RASEF: variants seen among roughly 807,000 people sequenced by gnomAD.
The protein encoded by RASEF is ras and EF-hand domain-containing protein.
A neutral mutation model predicts 90.1 loss-of-function variants in RASEF; 68 were observed. That is an observed-to-expected ratio of 0.75 (90% CI 0.62 to 0.92). RASEF has a LOEUF of 0.92. Among genes scored for constraint, RASEF ranks in the 40% least tolerant of loss-of-function variants. The probability of loss-of-function intolerance (pLI) is 0.00; values close to 1 mark genes in which losing one functional copy is unlikely to be tolerated. For synonymous variants in RASEF, 331 were observed against 345.2 expected (o/e 0.96, Z 0.46); for missense variants, 949 against 937.2 (o/e 1.01, Z -0.16).
In RASEF at chr9:83,022,336, G is replaced by A. The variant is rs775461169; in HGVS notation, c.669C>T (p.Asp223=). Residue 223 remains aspartate, a splice_region_variant and synonymous_variant, in exon 3 of 17, where the codon GAC becomes GAT. Transcript: ENST00000376447. ...ATGAATGGCCAACCCAGAAACTCAC[G>A]TCTTTCCGTGTCTTATGTTCTGCAG... ...IQAAEHKTRK[D]EKRKAEEALS... is the part of the protein sequence containing the mutation. 2.6e-5 allele frequency: 42 copies of A among 1,612,608 alleles called. No homozygotes were observed. The highest frequency in any genetic ancestry group is 3.2e-5 in the Non-Finnish European group (38 of 1,178,932).
At chr9:83,018,877 G>A (rs1829393282) in intron 3 of RASEF, among the ~76,000 whole-genome samples, 1 of 152,092 alleles carries the variant, frequency 6.6e-6, no homozygotes, top group Non-Finnish European at 1.5e-5. Context: ...AGAATAAACT[G>A]ATTTTGGATA....
At chr9:82,984,810 C>T (rs546949349) in intron 16 of RASEF, among the ~76,000 whole-genome samples, 12 of 152,166 alleles carry the variant, frequency 7.9e-5, no homozygotes, top group Non-Finnish European at 1.5e-4. Context: ...AATAAATGCC[C>T]AACTTATGCC....
upstream of RASEF, among the ~76,000 whole-genome samples, chr9:83,063,740 G>T (rs1358481635): frequency 6.6e-6 from 1 of 152,012 alleles, no homozygotes; most frequent in African/African-American, 2.4e-5. Flanking sequence ...CGTTTTGTAG[G>T]TTTTTTTACT....
At chr9:83,144,324 A>AAAGAG in the RASEF span, among the ~76,000 whole-genome samples, 2 of 103,740 alleles carry the variant, frequency 1.9e-5, no homozygotes, top group African/African-American at 8.6e-5. Context: ...AGAAAGAAAG[A>AAAGAG]AGGAAAGAAA....
At chr9:83,037,917 G>A (rs985828990) in intron 1 of RASEF, among the ~76,000 whole-genome samples, 1 of 151,800 alleles carries the variant, frequency 6.6e-6, no homozygotes, top group African/African-American at 2.4e-5. Flanking sequence ...CCTGAAAACA[G>A]GAAGACACTA....
intron 5 of RASEF, among the ~76,000 whole-genome samples, chr9:83,011,295 C>T (rs1387554986): frequency 6.6e-6 from 1 of 152,124 alleles, no homozygotes; most frequent in Non-Finnish European, 1.5e-5. Flanking sequence ...TGGCTCACGC[C>T]TATAATCCCA....
At chr9:83,173,406 T>G in the RASEF span, among the ~76,000 whole-genome samples, 1 of 151,924 alleles carries the variant, frequency 6.6e-6, no homozygotes, top group Non-Finnish European at 1.5e-5. Context: ...TTCTAGATTT[T>G]GTAAATGTAC....
At chr9:83,058,317 G>C (rs923287636) in intron 1 of RASEF, among the ~76,000 whole-genome samples, 1 of 149,996 alleles carries the variant, frequency 6.7e-6, no homozygotes, top group Non-Finnish European at 1.5e-5. Context: ...CGAGTAGCTG[G>C]GACTACAGGT....
chr9:83,059,245 C>A (rs1446493979), intron 1 of RASEF, among the ~76,000 whole-genome samples: 1 of 150,084 alleles, frequency 6.7e-6, no homozygotes, highest in African/African-American at 2.5e-5. Flanking sequence ...CATCCCTGCT[C>A]TCAGCCATCC....
At position 82,990,353 on chromosome 9, in the gene RASEF, C is replaced by T. The variant is rs369986556; in HGVS notation, c.2117+38G>A. 10 of 1,459,790 alleles carry T rather than the reference C, an allele frequency of 6.9e-6. No individual in the cohort carries two copies. In the South Asian group the frequency reaches 6.9e-5, roughly 10 times the overall value. The allele number at this position is 1,459,790 out of a possible 1,614,324, so 90.4% of individuals were successfully genotyped here. ...CAAGAAATGTGTCATATGCAACAAGCGAAAATTCAATCCTACATCCATTTT... is the reference window on the plus strand; with the variant it reads ...CAAGAAATGTGTCATATGCAACAAGTGAAAATTCAATCCTACATCCATTTT... On this transcript the variant is annotated intron_variant, in intron 16 of 16. Transcript: ENST00000376447.
intron 1 of RASEF, among the ~76,000 whole-genome samples, chr9:83,038,437 A>T (rs187421706): frequency 1.1e-3 from 169 of 152,312 alleles, no homozygotes; most frequent in African/African-American, 3.9e-3. Context: ...ATAGTCAAAA[A>T]ATGAAACCAT....
chr9:83,064,234 A>G (rs1234644707), upstream of RASEF, among the ~76,000 whole-genome samples: 2 of 152,220 alleles, frequency 1.3e-5, no homozygotes, highest in African/African-American at 4.8e-5. Context: ...AACATGGTCA[A>G]CACTAACAGC....
the RASEF span, among the ~76,000 whole-genome samples, chr9:83,203,217 T>G: frequency 6.6e-6 from 1 of 152,140 alleles, no homozygotes; most frequent in East Asian, 1.9e-4. Flanking sequence ...TAGCTCTTAG[T>G]GAGTTAGACA....
the RASEF span, among the ~76,000 whole-genome samples, chr9:83,167,698 G>A: frequency 7.2e-5 from 11 of 151,974 alleles, no homozygotes; most frequent in African/African-American, 2.4e-4. Context: ...CTGAGAATCC[G>A]GTAGCCATTC....
chr9:83,055,696 A>G lies in RASEF; in HGVS notation c.431+6741T>C, dbSNP rs777653346. 8.4e-6 allele frequency: 6 copies of G among 717,300 alleles called. No homozygotes were observed. The African/African-American group carries it at 8.7e-5, about 10-fold the overall frequency. 44.4% of individuals were successfully genotyped at this position (717,300 alleles called of 1,614,324 possible). A position where few individuals can be genotyped will look rare whatever the true frequency, so the allele number is the denominator to read the frequency against. On this transcript the variant is annotated intron_variant, in intron 1 of 16. Transcript: ENST00000376447. The stretch of plus-strand genomic sequence containing the variant: ...TGTGTAGCCAAATCTGTAATACAAA[A>G]GTCATCCAAATCTGTAATGCAGGTG...
At chr9:83,146,643 C>T in the RASEF span, among the ~76,000 whole-genome samples, 26 of 152,198 alleles carry the variant, frequency 1.7e-4, no homozygotes, top group African/African-American at 4.6e-4. Context: ...TCTGTCTGAC[C>T]GAAATTTTCA....
intron 15 of RASEF, 143 bp from the exon 16 acceptor site, chr9:82,990,610 TC>T (rs1360900510): frequency 1.8e-6 from 1 of 564,594 alleles, no homozygotes; most frequent in African/African-American, 1.9e-5. Context: ...AATTCAGAGT[TC>T]CAGTACTTAC....
the RASEF span, among the ~76,000 whole-genome samples, chr9:83,160,069 C>T: frequency 6.6e-6 from 1 of 152,194 alleles, no homozygotes; most frequent in Non-Finnish European, 1.5e-5. Flanking sequence ...TTGTAAATTT[C>T]CCAGTCTTGG....
the RASEF span, among the ~76,000 whole-genome samples, chr9:83,201,596 T>C: frequency 2.6e-5 from 4 of 152,282 alleles, no homozygotes; most frequent in South Asian, 8.3e-4. Context: ...TTGGACTCAA[T>C]GTAAATATTA....
Sources: allele counts gnomAD v4.1 joint callset (sites outside exome capture counted in the v4.1 genomes callset), GRCh38; gene constraint gnomAD v4.1.1; transcripts MANE v1.5; gene names NCBI Gene and HGNC (gene_info 2026-07-23, HGNC 2026-07-21).